Variants in DNAH12 observed in about 807,000 individuals in gnomAD.
The protein encoded by DNAH12 is dynein axonemal heavy chain 12, also known as axonemal beta dynein heavy chain 12.
In DNAH12, 285 loss-of-function variants were observed where a neutral mutation model predicts 371.5. The observed-to-expected ratio is 0.77, with a 90% CI of 0.70 to 0.85. The LOEUF (loss-of-function observed/expected upper bound fraction) is 0.85, where lower values mean the gene tolerates loss of function less well. DNAH12 is among the 40% of genes least tolerant of loss of function. DNAH12 has a pLI of 0.00. For synonymous variants in DNAH12, 1,200 were observed against 1,213.0 expected, an observed-to-expected ratio of 0.99 and a Z score of 0.22; for missense variants, 3,611 against 3,689.4, an observed-to-expected ratio of 0.98 and a Z score of 0.55.
At position 57,301,721 on chromosome 3, in the gene DNAH12, CACACACAT is replaced by C. The variant is rs1330761304; in HGVS notation, c.11394+6_11394+13del. On this transcript the variant is annotated splice_donor_region_variant and intron_variant, in intron 70 of 73. Transcript: ENST00000495027. ...ACACACACACACACACACACACACA[CACACACAT>C]TTTACCTGTAAAAAGTTCAACCGGG... 9 of 1,239,956 alleles carry C rather than the reference CACACACAT, an allele frequency of 7.3e-6. No individual in the cohort carries two copies. Among genetic ancestry groups the C allele is most frequent in the Non-Finnish European group, 9.0e-6 (8 of 892,994 alleles). The allele number at this position is 1,239,956 out of a possible 1,614,324, so 76.8% of individuals were successfully genotyped here. A position where few individuals can be genotyped will look rare whatever the true frequency, so the allele number is the denominator to read the frequency against.
intron 62 of DNAH12, among the ~76,000 whole-genome samples, chr3:57,331,515 C>A (rs887996050): frequency 3.3e-5 from 5 of 152,048 alleles, no homozygotes; most frequent in African/African-American, 1.2e-4. Context: ...GTACAAAGGT[C>A]TTTGGGAATC....
intron 53 of DNAH12, among the ~76,000 whole-genome samples, chr3:57,376,431 C>G (rs1415728708): frequency 6.6e-6 from 1 of 152,030 alleles, no homozygotes; most frequent in Non-Finnish European, 1.5e-5. Flanking sequence ...GAAACCCATA[C>G]AATAAAAAAG....
intron 2 of DNAH12, among the ~76,000 whole-genome samples, chr3:57,531,278 A>AT (rs2068837121): frequency 6.6e-6 from 1 of 152,080 alleles, no homozygotes; most frequent in Non-Finnish European, 1.5e-5. Context: ...TTTAAAGCAT[A>AT]TTTTTTCCAG....
the DNAH12 span, among the ~76,000 whole-genome samples, chr3:57,552,557 T>G: frequency 3.3e-5 from 5 of 152,168 alleles, no homozygotes; most frequent in East Asian, 3.9e-4. Flanking sequence ...ATGTTATTTA[T>G]TTATTTATTT....
intron 11 of DNAH12, among the ~76,000 whole-genome samples, chr3:57,499,647 A>AAAAAAAAAAAATATATATATAT (rs1451248906): frequency 1.1e-4 from 2 of 17,942 alleles, no homozygotes; most frequent in Non-Finnish European, 2.4e-4. Flanking sequence ...AAAAAAAAAA[A>AAAAAAAAAAAATATATATATAT]ATATATATAT....
intron 30 of DNAH12, among the ~76,000 whole-genome samples, chr3:57,435,553 T>C (rs1056140894): frequency 3.3e-5 from 5 of 152,208 alleles, no homozygotes; most frequent in African/African-American, 1.2e-4. Flanking sequence ...TATAGGAACA[T>C]GGAGCTGTCT....
intron 62 of DNAH12, among the ~76,000 whole-genome samples, chr3:57,333,393 C>T (rs1303779436): frequency 6.2e-5 from 9 of 145,160 alleles, no homozygotes; most frequent in African/African-American, 2.1e-4. Flanking sequence ...CGCAGTGGTG[C>T]GATCTCTGCT....
intron 65 of DNAH12, 45 bp downstream of exon 65, chr3:57,322,298 A>G: frequency 1.4e-6 from 2 of 1,464,560 alleles, no homozygotes; most frequent in Non-Finnish European, 1.8e-6. Flanking sequence ...TCCATATTTG[A>G]TCACTATAAA....
intron 69 of DNAH12, among the ~76,000 whole-genome samples, chr3:57,308,141 C>T (rs960986122): frequency 6.6e-6 from 1 of 152,140 alleles, no homozygotes; most frequent in African/African-American, 2.4e-5. Context: ...AACTAAAATA[C>T]CTCTTGGTCT....
At chr3:57,461,778 T>C in intron 18 of DNAH12, 89 bp from the exon 19 acceptor site, 1 of 1,027,246 alleles carries the variant, frequency 9.7e-7, no homozygotes. Flanking sequence ...CAGTAAGAAT[T>C]TGATGTATTA....
At chr3:57,350,143 G>C (rs1164459434) in intron 60 of DNAH12, among the ~76,000 whole-genome samples, 1 of 152,082 alleles carries the variant, frequency 6.6e-6, no homozygotes, top group Non-Finnish European at 1.5e-5. Context: ...GAGAAAGTGT[G>C]GGGGGTGGAG....
intron 43 of DNAH12, among the ~76,000 whole-genome samples, chr3:57,397,075 T>A (rs1230194104): frequency 6.6e-6 from 1 of 152,202 alleles, no homozygotes; most frequent in African/African-American, 2.4e-5. Context: ...AATCCTTACA[T>A]ACATTATATA....
Position 57,445,955 on chromosome 3 carries a change from T to C in DNAH12, c.4179+76A>G, listed in dbSNP as rs182991060. On this transcript the variant is annotated intron_variant, in intron 27 of 73. Transcript: ENST00000495027. The stretch of plus-strand genomic sequence containing the variant: ...GTGAGCCAAGATCGCGCCACTGCAC[T>C]CCAGCCTGGGCAATAGAGTAAGACT... The C allele has an allele frequency of 2.0e-3, 2,713 of 1,378,618 alleles. 55 individuals carry two copies. In the African/African-American group the frequency reaches 0.038, roughly 19 times the overall value. 85.4% of individuals were successfully genotyped at this position (1,378,618 alleles called of 1,614,324 possible).
intron 53 of DNAH12, 109 bp downstream of exon 53, chr3:57,376,872 C>A (rs951782156): frequency 2.0e-5 from 3 of 152,170 alleles, no homozygotes; most frequent in Non-Finnish European, 4.4e-5. Context: ...GAATGTCCCA[C>A]ATTCTCAACC....
At chr3:57,472,404 C>T in intron 14 of DNAH12, 142 bp downstream of exon 14, 2 of 1,010,962 alleles carry the variant, frequency 2.0e-6, no homozygotes, top group South Asian at 1.8e-5. Context: ...GCCTAGAGGG[C>T]CATAAGTGTG....
At chr3:57,399,078 G>C (rs2063802976) in intron 43 of DNAH12, among the ~76,000 whole-genome samples, 1 of 152,170 alleles carries the variant, frequency 6.6e-6, no homozygotes, top group South Asian at 2.1e-4. Context: ...GTATGCAACT[G>C]AAGTTAGGTT....
intron 69 of DNAH12, among the ~76,000 whole-genome samples, chr3:57,308,339 G>C (rs548485751): frequency 5.1e-4 from 77 of 152,152 alleles, no homozygotes; most frequent in South Asian, 1.2e-3. Context: ...TTAGTATTCA[G>C]TGAACTAATG....
intron 14 of DNAH12, 36 bp from the exon 15 acceptor site, chr3:57,471,642 T>A: frequency 2.0e-6 from 3 of 1,477,892 alleles, no homozygotes; most frequent in Non-Finnish European, 2.7e-6. Context: ...TTAGTTAATC[T>A]GTAACAAAGA....
intron 52 of DNAH12, 144 bp downstream of exon 52, chr3:57,379,014 C>T (rs935537911): frequency 6.6e-6 from 1 of 152,222 alleles, no homozygotes; most frequent in Non-Finnish European, 1.5e-5. Flanking sequence ...GCTAGGTATG[C>T]AATCGATATA....
Sources: allele counts gnomAD v4.1 joint callset (sites outside exome capture counted in the v4.1 genomes callset), GRCh38; gene constraint gnomAD v4.1.1; transcripts MANE v1.5; gene names NCBI Gene and HGNC (gene_info 2026-07-23, HGNC 2026-07-21).